The following RYR2 variants were observed in gnomAD, a reference collection of about 807,000 sequenced individuals.
The protein encoded by RYR2 is ryanodine receptor 2, also known as cardiac muscle ryanodine receptor-calcium release channel.
Under a neutral mutation model 601.1 loss-of-function variants are expected in RYR2, and 227 were observed. The ratio of observed to expected loss-of-function variants is 0.38; its 90% confidence interval spans 0.34 to 0.42. RYR2 has a LOEUF of 0.42. RYR2 is among the 10% of genes least tolerant of loss of function. The pLI is 1.00. For missense variants in RYR2, 4,646 were observed against 6,156.5 expected (o/e 0.75, Z 8.21); for synonymous variants, 2,223 against 2,175.1 (o/e 1.02, Z -0.61).
chr1:237,334,134 T>C (rs891334570), intron 3 of RYR2, among the ~76,000 whole-genome samples: 2 of 152,202 alleles, frequency 1.3e-5, no homozygotes, highest in Admixed American at 6.5e-5. Flanking sequence ...TTGTTTTTTG[T>C]GGTTAAGGAC....
chr1:237,065,016 C>T lies in RYR2; in HGVS notation c.48+22447C>T, dbSNP rs542258422. ...GGCACGTAACATCGTATTGTGTGTT[C>T]TGTTTTAACTTGTTCTTAAGAAACT... is the stretch of plus-strand genomic sequence containing the variant. On this transcript the variant is annotated intron_variant, in intron 1 of 104. Coordinates refer to ENST00000366574, the MANE Select transcript of RYR2 (RefSeq NM_001035.3). 1.7e-3 allele frequency among the ~76,000 whole-genome samples: 263 copies of T among 151,876 alleles called. 1 individual carries two copies. The highest frequency in any genetic ancestry group is 6.1e-3 in the African/African-American group (252 of 41,480).
chr1:237,508,907 T>C (rs1347490338), intron 23 of RYR2, among the ~76,000 whole-genome samples: 1 of 150,142 alleles, frequency 6.7e-6, no homozygotes, highest in Non-Finnish European at 1.5e-5. Context: ...CACGCCCGGC[T>C]AATTTTTTGT....
At chr1:237,660,726 C>T in intron 55 of RYR2, 84 bp from the exon 56 acceptor site, 2 of 1,196,390 alleles carry the variant, frequency 1.7e-6, no homozygotes, top group South Asian at 1.9e-5. Flanking sequence ...AAAGTGAAGG[C>T]AGTCTATTTT....
intron 5 of RYR2, among the ~76,000 whole-genome samples, chr1:237,366,692 AC>A (rs1488617100): frequency 1.8e-3 from 241 of 137,510 alleles, no homozygotes; most frequent in African/African-American, 4.4e-3. Flanking sequence ...ACACACACAC[AC>A]ACACACACAC....
chr1:237,432,322 C>T lies in RYR2; in HGVS notation c.1006-8997C>T, dbSNP rs113790162. ...CTAATATTTCAAATGAGCTCCGAATCATAACTTGTAGGGACAGAAACAGAA... is the reference window on the plus strand; with the variant it reads ...CTAATATTTCAAATGAGCTCCGAATTATAACTTGTAGGGACAGAAACAGAA... On this transcript the variant is annotated intron_variant, in intron 12 of 104. Transcript: ENST00000366574. Among the ~76,000 whole-genome samples the T allele has an allele frequency of 3.9e-3, 586 of 152,190 alleles. 3 individuals carry two copies. The highest frequency in any genetic ancestry group is 0.013 in the African/African-American group (526 of 41,540).
At chr1:237,346,836 A>G (rs7517715) in intron 3 of RYR2, among the ~76,000 whole-genome samples, 1 of 152,228 alleles carries the variant, frequency 6.6e-6, no homozygotes, top group Non-Finnish European at 1.5e-5. Flanking sequence ...ATAATCCCAT[A>G]TGATATTACA....
intron 2 of RYR2, among the ~76,000 whole-genome samples, chr1:237,283,388 A>G (rs139822619): frequency 5.7e-4 from 86 of 152,162 alleles, no homozygotes; most frequent in Admixed American, 3.8e-3. Context: ...TGACTGCGTA[A>G]CTTGCTGCTA....
chr1:237,730,221 T>C lies in RYR2; in HGVS notation c.10839-39T>C, dbSNP rs753618683. 8.5e-6 allele frequency: 10 copies of C among 1,176,468 alleles called. No homozygotes were observed. In the South Asian group the frequency reaches 9.8e-5, roughly 12 times the overall value. The allele number at this position is 1,176,468 out of a possible 1,614,324, so 72.9% of individuals were successfully genotyped here. On this transcript the variant is annotated intron_variant, in intron 76 of 104. Coordinates refer to ENST00000366574, the MANE Select transcript of RYR2 (RefSeq NM_001035.3). ...TACTCAATACAATTTCAACTTATTT[T>C]CTAAACACCCTTTTTCTGAAATTGT...
intron 98 of RYR2, among the ~76,000 whole-genome samples, chr1:237,803,517 G>A (rs963980992): frequency 2.6e-5 from 4 of 152,010 alleles, no homozygotes; most frequent in Admixed American, 1.3e-4. Context: ...AGCCAGGATG[G>A]TCTCGATCTC....
intron 3 of RYR2, among the ~76,000 whole-genome samples, chr1:237,331,932 A>G (rs923606674): frequency 6.6e-6 from 1 of 152,156 alleles, no homozygotes; most frequent in Non-Finnish European, 1.5e-5. Flanking sequence ...GTCTTAACCA[A>G]TTTATTAAAG....
intron 1 of RYR2, among the ~76,000 whole-genome samples, chr1:237,066,118 G>C (rs772333549): frequency 2.0e-5 from 3 of 152,218 alleles, no homozygotes; most frequent in Non-Finnish European, 2.9e-5. Flanking sequence ...TGACCTTTGA[G>C]ATTGGCATTT....
chr1:237,214,114 T>A (rs2149107364), intron 1 of RYR2, among the ~76,000 whole-genome samples: 1 of 151,944 alleles, frequency 6.6e-6, no homozygotes, highest in Non-Finnish European at 1.5e-5. Flanking sequence ...AGAGATGGGG[T>A]TTCACCATGT....
At chr1:237,237,143 G>T (rs562452299) in intron 1 of RYR2, among the ~76,000 whole-genome samples, 14 of 152,168 alleles carry the variant, frequency 9.2e-5, no homozygotes, top group Non-Finnish European at 2.1e-4. Context: ...GTTTCCGGAG[G>T]CCTCCCCAGC....
intron 3 of RYR2, among the ~76,000 whole-genome samples, chr1:237,335,738 G>A (rs185430766): frequency 4.6e-4 from 70 of 152,122 alleles, no homozygotes; most frequent in Non-Finnish European, 7.4e-4. Flanking sequence ...TCCTTACATC[G>A]TGCTCTTTGA....
At chr1:237,307,864 T>C (rs1488613954) in intron 2 of RYR2, among the ~76,000 whole-genome samples, 1 of 152,202 alleles carries the variant, frequency 6.6e-6, no homozygotes, top group Non-Finnish European at 1.5e-5. Flanking sequence ...ATAACAACAT[T>C]GTGCAATAAA....
intron 14 of RYR2, among the ~76,000 whole-genome samples, chr1:237,448,724 T>A (rs774790548): frequency 1.2e-4 from 18 of 152,158 alleles, no homozygotes; most frequent in Non-Finnish European, 2.5e-4. Context: ...TTTATCATTA[T>A]GAAATTACCT....
intron 58 of RYR2, among the ~76,000 whole-genome samples, chr1:237,669,231 T>C (rs1387384489): frequency 6.6e-6 from 1 of 151,174 alleles, no homozygotes; most frequent in Non-Finnish European, 1.5e-5. Context: ...GGCAGAAGAA[T>C]TTTTCTTAGT....
At chr1:237,509,686 G>A (rs140690252) in intron 23 of RYR2, among the ~76,000 whole-genome samples, 152 of 152,306 alleles carry the variant, frequency 1.0e-3, no homozygotes, top group African/African-American at 3.6e-3. Context: ...CCTTCTTGGC[G>A]CTTCCTCTTT....
chr1:237,463,520 A>C (rs1659713916), intron 16 of RYR2, among the ~76,000 whole-genome samples: 1 of 152,132 alleles, frequency 6.6e-6, no homozygotes, highest in African/African-American at 2.4e-5. Flanking sequence ...ACTTATAAGA[A>C]GTATCTAGAA....
Sources: allele counts gnomAD v4.1 joint callset (sites outside exome capture counted in the v4.1 genomes callset), GRCh38; gene constraint gnomAD v4.1.1; transcripts MANE v1.5; gene names NCBI Gene and HGNC (gene_info 2026-07-23, HGNC 2026-07-21).